Variants in TP53BP1 observed in about 807,000 individuals in gnomAD.
The protein encoded by TP53BP1 is TP53-binding protein 1.
Under a neutral mutation model 200.8 loss-of-function variants are expected in TP53BP1, and 61 were observed. The ratio of observed to expected loss-of-function variants is 0.30; its 90% CI spans 0.25 to 0.38. The LOEUF is 0.38. Ranked by LOEUF, TP53BP1 falls within the 10% of genes least tolerant of loss-of-function variation. The probability of loss-of-function intolerance (pLI) is 1.00; values close to 1 mark genes in which losing one functional copy is unlikely to be tolerated. For synonymous variants in TP53BP1, 822 were observed against 844.3 expected (o/e 0.97, Z 0.46); for missense variants, 2,144 against 2,371.9 (o/e 0.90, Z 2.00).
At chr15:43,428,651 C>T (rs2045604402) in intron 17 of TP53BP1, among the ~76,000 whole-genome samples, 1 of 152,074 alleles carries the variant, frequency 6.6e-6, no homozygotes, top group Non-Finnish European at 1.5e-5. Context: ...AAAGTGAAAA[C>T]CACAGTTTAT....
chr15:43,421,601 C>G, intron 19 of TP53BP1: 1 of 569,188 alleles, frequency 1.8e-6, no homozygotes, highest in Non-Finnish European at 3.1e-6. Flanking sequence ...ATGATAAATT[C>G]CCGAAAGTCC....
At chr15:43,473,866 G>A (rs1370603850) in intron 10 of TP53BP1, among the ~76,000 whole-genome samples, 1 of 152,234 alleles carries the variant, frequency 6.6e-6, no homozygotes, top group Non-Finnish European at 1.5e-5. Context: ...CCTGTGCCGT[G>A]CTCCTGCACT....
intron 4 of TP53BP1, 54 bp downstream of exon 4, chr15:43,491,615 T>C: frequency 1.5e-6 from 2 of 1,346,924 alleles, no homozygotes; most frequent in Non-Finnish European, 2.1e-6. Context: ...CAGGTACAGA[T>C]AAAAGAACAA....
At chr15:43,409,280 T>C (rs1274396981) in intron 25 of TP53BP1, 184 bp from the exon 26 acceptor site, 2 of 615,674 alleles carry the variant, frequency 3.2e-6, no homozygotes, top group East Asian at 5.5e-5. Flanking sequence ...CCATAGATGT[T>C]CTCTCTGCCT....
At chr15:43,455,720 C>CAA (rs774205426) in intron 12 of TP53BP1, among the ~76,000 whole-genome samples, 172 bp downstream of exon 12, 2 of 128,064 alleles carry the variant, frequency 1.6e-5, no homozygotes. Context: ...GACTCTGTCT[C>CAA]AAAAAAAAAA....
At chr15:43,509,148 T>C in intron 1 of TP53BP1, among the ~76,000 whole-genome samples, 1 of 120,442 alleles carries the variant, frequency 8.3e-6, no homozygotes, top group African/African-American at 3.2e-5. Context: ...AGGAGGCCTG[T>C]AAATCTCTCC....
rs779509128 is a variant in TP53BP1 at position 43,421,115 on chromosome 15, C to T, written c.4160G>A (p.Gly1387Asp). The change falls in exon 20 of 28, where the codon GGC becomes GAC. Residue 1387 changes from glycine (G) to aspartate (D), a missense_variant. Physicochemically the swap from Gly to Asp is moderately conservative, Grantham distance 94. Transcript: ENST00000382044. ...CTTCCCTCCCTGTCTGATGCCAAGG[C>T]CTGCATCACCATCCTCCTCACACAC... is the stretch of plus-strand genomic sequence containing the variant. ...TPVCEEDGDA[G>D]LGIRQGGKAP... The T allele has an allele frequency of 6.2e-7, 1 of 1,614,180 alleles. No homozygotes were observed.
At chr15:43,411,789 G>A (rs545844213) in intron 24 of TP53BP1, among the ~76,000 whole-genome samples, 6 of 152,306 alleles carry the variant, frequency 3.9e-5, no homozygotes, top group South Asian at 2.1e-4. Context: ...GCAGGCACAC[G>A]GATTTTAATG....
At chr15:43,449,853 G>C (rs1378981497) in intron 12 of TP53BP1, among the ~76,000 whole-genome samples, 2 of 152,044 alleles carry the variant, frequency 1.3e-5, no homozygotes, top group African/African-American at 2.4e-5. Flanking sequence ...AATTATTCAC[G>C]TTCATAAAGC....
chr15:43,423,124 T>C (rs1179103191), intron 18 of TP53BP1, among the ~76,000 whole-genome samples: 4 of 139,424 alleles, frequency 2.9e-5, no homozygotes, highest in African/African-American at 8.1e-5. Flanking sequence ...CTTTGATAAA[T>C]TGGTAGTAGC....
chr15:43,403,932 G>A lies in TP53BP1; in HGVS notation c.*3451C>T, dbSNP rs1182190344. 1.7e-5 allele frequency: 11 copies of A among 663,772 alleles called. No homozygotes were observed. Among genetic ancestry groups the A allele is most frequent in the East Asian group, 1.3e-4 (5 of 37,142 alleles). 41.1% of individuals were successfully genotyped at this position (663,772 alleles called of 1,614,324 possible). On this transcript the variant is annotated 3_prime_UTR_variant, in exon 28 of 28. Transcript: ENST00000382044. Reference sequence around the variant, plus strand: ...CACACGTACAGAGATAAGATACAAAGATAAAAATGTTGGTATCAGTTGATT... The same window carrying A: ...CACACGTACAGAGATAAGATACAAAAATAAAAATGTTGGTATCAGTTGATT...
chr15:43,422,026 A>G lies in TP53BP1; in HGVS notation c.3929T>C (p.Phe1310Ser), dbSNP rs749203701. The change falls in exon 19 of 28, where the codon TTC becomes TCC. Residue 1310 changes from phenylalanine to serine, a missense_variant. Coordinates refer to ENST00000382044, the MANE Select transcript of TP53BP1 (RefSeq NM_001141980.3). ...SSGDLGDISS[F>S]SSKASSLHRT... is the part of the protein sequence containing the mutation. ...GTGTAAGCTGGATGCCTTGGAGGAG[A>G]AGGAGCTGATATCCCCCAGGTCACC... The G allele has an allele frequency of 7.4e-6, 12 of 1,614,052 alleles. No homozygotes were observed. Among genetic ancestry groups the G allele is most frequent in the Non-Finnish European group, 1.0e-5 (12 of 1,180,040 alleles).
intron 23 of TP53BP1, chr15:43,414,265 A>C: frequency 7.5e-6 from 3 of 399,002 alleles, no homozygotes; most frequent in South Asian, 5.9e-5. Context: ...CTGTGCCTCA[A>C]AGTCTTCAAC....
rs2044747407 is a variant in TP53BP1 at position 43,403,538 on chromosome 15, C to T, written c.*3845G>A. The T allele has an allele frequency of 3.2e-6, 2 of 623,836 alleles. No homozygotes were observed. Among genetic ancestry groups the T allele is most frequent in the Non-Finnish European group, 5.7e-6 (2 of 351,348 alleles). 38.6% of individuals were successfully genotyped at this position (623,836 alleles called of 1,614,324 possible). On this transcript the variant is annotated 3_prime_UTR_variant, in exon 28 of 28. Transcript: ENST00000382044. ...TTGTGCGTCTGAGGGGCTGGCAGGC[C>T]TTGCACGTGGCAGTGTCTATCCTGT...
Position 43,406,065 on chromosome 15 carries a change from A to G in TP53BP1, c.*1318T>C, listed in dbSNP as rs1244086895. The G allele has an allele frequency of 7.0e-6, 1 of 142,094 alleles. No homozygotes were observed. The highest frequency in any genetic ancestry group is 1.5e-5 in the Non-Finnish European group (1 of 66,280). The allele number at this position is 142,094 out of a possible 1,614,324, so 8.8% of individuals were successfully genotyped here. On this transcript the variant is annotated 3_prime_UTR_variant, in exon 28 of 28. Coordinates refer to ENST00000382044, the MANE Select transcript of TP53BP1 (RefSeq NM_001141980.3). ...CAAAAAAAAAAAAAAAAAAAAAAAA[A>G]GTATTATTCTCCAAGAAAAAGGTCC...
rs570912521 is a variant in TP53BP1, at chr15:43,407,796, C to T, written c.5746+147G>A. 3.1e-5 allele frequency: 27 copies of T among 869,266 alleles called. No homozygotes were observed. In the South Asian group the frequency reaches 3.6e-4, roughly 12 times the overall value. 53.8% of individuals were successfully genotyped at this position (869,266 alleles called of 1,614,324 possible). On this transcript the variant is annotated intron_variant, in intron 27 of 27. Transcript: ENST00000382044. ...ACGTCCAGTGCTTCACTTATGTTGA[C>T]TCACCTCTTGAAGGTGGTACTTTTC... is the stretch of plus-strand genomic sequence containing the variant.
In TP53BP1 at chr15:43,478,441, A is replaced by C. The variant is rs187380492; in HGVS notation, c.789-682T>G. 7.9e-5 allele frequency among the ~76,000 whole-genome samples: 12 copies of C among 152,176 alleles called. No individual in the cohort carries two copies. In the East Asian group the frequency reaches 2.3e-3, roughly 29 times the overall value. The stretch of plus-strand genomic sequence containing the variant: ...GAAAGACAATTTCTCTTGATATTCA[A>C]CTTTGCTTAGGACACTCTCTCCCCA... On this transcript the variant is annotated intron_variant, in intron 7 of 27. Transcript: ENST00000382044.
intron 16 of TP53BP1, 150 bp downstream of exon 16, chr15:43,438,174 C>A: frequency 1.7e-6 from 1 of 594,438 alleles, no homozygotes; most frequent in Non-Finnish European, 2.9e-6. Context: ...TATACCAATA[C>A]CACTAATTAC....
At chr15:43,476,809 G>GA (rs1466749529) in intron 8 of TP53BP1, among the ~76,000 whole-genome samples, 2 of 152,200 alleles carry the variant, frequency 1.3e-5, no homozygotes, top group African/African-American at 4.8e-5. Context: ...GCTGTGGAAT[G>GA]AAAGATTGGT....
Sources: gnomAD v4.1 joint callset for allele counts (sites outside exome capture counted in the v4.1 genomes callset) on GRCh38, gnomAD v4.1.1 for gene constraint, MANE v1.5 for transcripts, NCBI Gene and HGNC (gene_info 2026-07-23, HGNC 2026-07-21) for gene names.